Variants in B3GALT1 observed in about 807,000 individuals in gnomAD.
The protein encoded by B3GALT1 is UDP-Gal:betaGlcNAc beta 1,3-galactosyltransferase, polypeptide 1.
Under a neutral mutation model 23.2 loss-of-function variants are expected in B3GALT1, and 10 were observed. The observed-to-expected ratio is 0.43, with a 90% CI of 0.27 to 0.73. The LOEUF (loss-of-function observed/expected upper bound fraction) is 0.73. Ranked by LOEUF, B3GALT1 falls within the 30% of genes least tolerant of loss-of-function variation. The pLI, the probability that B3GALT1 is intolerant of heterozygous loss-of-function variation, is 0.21. For missense variants in B3GALT1, 299 were observed against 405.4 expected, an observed-to-expected ratio of 0.74 and a Z score of 2.25; for synonymous variants, 156 against 141.5, an observed-to-expected ratio of 1.10 and a Z score of -0.73.
At chr2:167,342,613 C>A (rs892418130) in intron 1 of B3GALT1, among the ~76,000 whole-genome samples, 16 of 150,316 alleles carry the variant, frequency 1.1e-4, no homozygotes, top group Non-Finnish European at 1.8e-4. Flanking sequence ...GAAAAAAAAA[C>A]AAAACCAATT....
At chr2:167,453,272 A>G (rs901422540) in intron 1 of B3GALT1, among the ~76,000 whole-genome samples, 7 of 152,166 alleles carry the variant, frequency 4.6e-5, no homozygotes, top group African/African-American at 1.7e-4. Flanking sequence ...GCCAATGGAT[A>G]TATTATTGCA....
intron 1 of B3GALT1, among the ~76,000 whole-genome samples, chr2:167,451,406 C>T (rs1348740821): frequency 2.6e-5 from 4 of 152,038 alleles, no homozygotes; most frequent in African/African-American, 9.7e-5. Context: ...GTAGTACTCT[C>T]CCCCTTTTCC....
intron 2 of B3GALT1, among the ~76,000 whole-genome samples, chr2:167,581,513 G>A (rs1430686046): frequency 6.6e-6 from 1 of 152,144 alleles, no homozygotes; most frequent in Non-Finnish European, 1.5e-5. Flanking sequence ...CTGCTGGGTT[G>A]CCTGTTGCTT....
chr2:167,760,119 A>C (rs536410051), intron 3 of B3GALT1, among the ~76,000 whole-genome samples: 1 of 152,328 alleles, frequency 6.6e-6, no homozygotes, highest in South Asian at 2.1e-4. Context: ...AGTTCAGTTA[A>C]GGATACTGCC....
chr2:167,713,073 G>C (rs1479940809), intron 3 of B3GALT1, among the ~76,000 whole-genome samples: 1 of 152,130 alleles, frequency 6.6e-6, no homozygotes, highest in Admixed American at 6.5e-5. Context: ...TATCCCTTCT[G>C]AGCAGAATAG....
chr2:167,373,139 G>T (rs1294215695), intron 1 of B3GALT1, among the ~76,000 whole-genome samples: 1 of 151,914 alleles, frequency 6.6e-6, no homozygotes, highest in Admixed American at 6.6e-5. Context: ...ATATTTTCAA[G>T]AAATTGTTTC....
intron 3 of B3GALT1, among the ~76,000 whole-genome samples, chr2:167,672,853 A>G (rs1686356465): frequency 1.3e-5 from 2 of 152,212 alleles, no homozygotes; most frequent in East Asian, 3.9e-4. Context: ...CAATTTGAAT[A>G]ATTATAACTA....
intron 3 of B3GALT1, among the ~76,000 whole-genome samples, chr2:167,679,339 G>T (rs1686487750): frequency 1.3e-5 from 2 of 150,902 alleles, no homozygotes; most frequent in Non-Finnish European, 3.0e-5. Flanking sequence ...GGCTGGCCTG[G>T]AACTCCTGAC....
At chr2:167,708,175 A>G (rs1357420085) in intron 3 of B3GALT1, among the ~76,000 whole-genome samples, 5 of 152,256 alleles carry the variant, frequency 3.3e-5, no homozygotes, top group African/African-American at 1.2e-4. Flanking sequence ...GCCACAAAAT[A>G]GCAAATCAAA....
At chr2:167,432,514 T>C (rs980438947) in intron 1 of B3GALT1, among the ~76,000 whole-genome samples, 3 of 152,202 alleles carry the variant, frequency 2.0e-5, no homozygotes, top group Non-Finnish European at 4.4e-5. Flanking sequence ...CTCACTCGTC[T>C]TACTTACTAT....
chr2:167,632,538 A>T (rs1375345150), intron 2 of B3GALT1, among the ~76,000 whole-genome samples: 1 of 151,976 alleles, frequency 6.6e-6, no homozygotes, highest in Non-Finnish European at 1.5e-5. Flanking sequence ...CATTTCCCTA[A>T]TGACCAGTGA....
At chr2:167,860,895 A>G (rs1227665210) in intron 4 of B3GALT1, among the ~76,000 whole-genome samples, 3 of 152,090 alleles carry the variant, frequency 2.0e-5, no homozygotes, top group Non-Finnish European at 4.4e-5. Flanking sequence ...TAAAAATAAA[A>G]CAAATTTTGC....
intron 2 of B3GALT1, among the ~76,000 whole-genome samples, chr2:167,568,170 T>G (rs1263303237): frequency 6.6e-6 from 1 of 152,176 alleles, no homozygotes; most frequent in African/African-American, 2.4e-5. Flanking sequence ...TTGGCAATTA[T>G]GAGTAAAACT....
At chr2:167,727,010 C>A (rs186114483) in intron 3 of B3GALT1, among the ~76,000 whole-genome samples, 1 of 152,172 alleles carries the variant, frequency 6.6e-6, no homozygotes, top group Admixed American at 6.5e-5. Flanking sequence ...CATGAAAAAC[C>A]TTTGACCCCT....
intron 1 of B3GALT1, among the ~76,000 whole-genome samples, chr2:167,360,922 T>C (rs1697489975): frequency 1.3e-5 from 2 of 152,202 alleles, no homozygotes; most frequent in South Asian, 2.1e-4. Flanking sequence ...TGAGCTCCAC[T>C]GTATTAGCTC....
At chr2:167,318,818 A>G (rs1421113417) in intron 1 of B3GALT1, among the ~76,000 whole-genome samples, 4 of 152,026 alleles carry the variant, frequency 2.6e-5, no homozygotes. Context: ...CCTGCTATAC[A>G]GAAGCCCAGA....
At chr2:167,726,594 C>G (rs893293689) in intron 3 of B3GALT1, among the ~76,000 whole-genome samples, 1 of 152,188 alleles carries the variant, frequency 6.6e-6, no homozygotes. Flanking sequence ...CACAGGGCAC[C>G]AGATTAAATA....
intron 3 of B3GALT1, among the ~76,000 whole-genome samples, chr2:167,659,303 GTTATTCTGT>G (rs1686016402): frequency 6.6e-6 from 1 of 151,808 alleles, no homozygotes; most frequent in Non-Finnish European, 1.5e-5. Context: ...TTTGTCAGTA[GTTATTCTGT>G]TATGTTCCTT....
chr2:167,368,732 T>G (rs983244012), intron 1 of B3GALT1, among the ~76,000 whole-genome samples: 3 of 152,228 alleles, frequency 2.0e-5, no homozygotes, highest in Admixed American at 1.3e-4. Context: ...TCTCTAACTT[T>G]AACCTTGTGT....
Sources: allele counts gnomAD v4.1 joint callset (sites outside exome capture counted in the v4.1 genomes callset), GRCh38; gene constraint gnomAD v4.1.1; transcripts MANE v1.5; gene names NCBI Gene and HGNC (gene_info 2026-07-23, HGNC 2026-07-21).